Variants in PLOD1 observed in about 807,000 individuals in gnomAD.
The protein encoded by PLOD1 is procollagen-lysine,2-oxoglutarate 5-dioxygenase 1.
In PLOD1, 70 loss-of-function variants were observed where a neutral mutation model predicts 94.7. The ratio of observed to expected loss-of-function variants is 0.74; its 90% CI spans 0.61 to 0.90. PLOD1 has a LOEUF of 0.90. PLOD1 is among the 40% of genes least tolerant of loss of function. The probability of loss-of-function intolerance (pLI) is 0.00; values close to 1 mark genes in which losing one functional copy is unlikely to be tolerated. For synonymous variants in PLOD1, 417 were observed against 400.2 expected (o/e 1.04, Z -0.50); for missense variants, 905 against 972.7 (o/e 0.93, Z 0.93).
chr1:11,944,442 C>CACACACACAA (rs1645635812), intron 1 of PLOD1: 1 of 906,458 alleles, frequency 1.1e-6, no homozygotes, highest in Admixed American at 2.3e-5. Flanking sequence ...CACACACACA[C>CACACACACAA]ACACACACAC....
At chr1:11,952,075 A>T (rs551271752) in intron 4 of PLOD1, among the ~76,000 whole-genome samples, 1 of 152,348 alleles carries the variant, frequency 6.6e-6, no homozygotes, top group African/African-American at 2.4e-5. Context: ...CAGAGTAAGC[A>T]CAGTCCAGAT....
chr1:11,967,955 ATTTTT>A (rs550083636), intron 16 of PLOD1, among the ~76,000 whole-genome samples: 2 of 138,990 alleles, frequency 1.4e-5, no homozygotes, highest in Non-Finnish European at 3.1e-5. Context: ...GTGTGTGTAA[ATTTTT>A]TTTTTTTTTT....
chr1:11,975,507 G>A lies in PLOD1; in HGVS notation c.*699G>A, dbSNP rs903476782. ...AGAGAGGGACAGACCGTCAGAAACT[G>A]GAGAGTTTCTATTAAAGGTCATTTA... is the stretch of plus-strand genomic sequence containing the variant. On this transcript the variant is annotated 3_prime_UTR_variant, in exon 19 of 19. Transcript: ENST00000196061. 6.5e-6 allele frequency: 1 copy of A among 154,498 alleles called. No individual in the cohort carries two copies. Among genetic ancestry groups the A allele is most frequent in the African/African-American group, 2.4e-5 (1 of 41,324 alleles). 9.6% of individuals were successfully genotyped at this position (154,498 alleles called of 1,614,324 possible).
At chr1:11,943,253 G>A (rs1569671603) in intron 1 of PLOD1, among the ~76,000 whole-genome samples, 1 of 151,368 alleles carries the variant, frequency 6.6e-6, no homozygotes, top group Non-Finnish European at 1.5e-5. Context: ...CTCCCAAAGT[G>A]CTAGGATTAT....
intron 5 of PLOD1, chr1:11,954,310 C>CAAAAAAAAAAAAAA (rs754503001): frequency 6.9e-6 from 1 of 145,086 alleles, no homozygotes; most frequent in African/African-American, 5.5e-5. Flanking sequence ...CCATCTCTAG[C>CAAAAAAAAAAAAAA]AAAAAAAAAA....
At chr1:11,952,805 CCT>C in intron 5 of PLOD1, 70 bp downstream of exon 5, 1 of 1,081,922 alleles carries the variant, frequency 9.2e-7, no homozygotes, top group Non-Finnish European at 1.4e-6. Flanking sequence ...GGGAACAGCT[CCT>C]CTCAGGCCTG....
At chr1:11,941,541 C>T (rs186029903) in intron 1 of PLOD1, among the ~76,000 whole-genome samples, 1 of 152,058 alleles carries the variant, frequency 6.6e-6, no homozygotes, top group African/African-American at 2.4e-5. Context: ...AGTGCAATGG[C>T]ACAATCTGGG....
chr1:11,944,771 C>T, intron 1 of PLOD1: 1 of 835,340 alleles, frequency 1.2e-6, no homozygotes, highest in Non-Finnish European at 1.6e-6. Flanking sequence ...CGCCAGCCCT[C>T]TGCCCTGGGG....
chr1:11,967,863 C>T (rs1645832926), intron 16 of PLOD1, among the ~76,000 whole-genome samples: 1 of 151,034 alleles, frequency 6.6e-6, no homozygotes, highest in African/African-American at 2.4e-5. Flanking sequence ...GATTCTCATG[C>T]CTCAGCTTGC....
chr1:11,972,625 T>C lies in PLOD1; in HGVS notation c.1903-247T>C. On this transcript the variant is annotated intron_variant, in intron 17 of 18. Transcript: ENST00000196061. This position sits in a 1 kb window ranked among gnomAD's most constrained non-coding sequence, Gnocchi z 4.6. ...TTCCTCCCTTCCTCCCTCCCTCCCT[T>C]CCTTTCTTCCTTCCCCTCTGTTCTC... 1 of 436,328 alleles carries C rather than the reference T, an allele frequency of 2.3e-6. No individual in the cohort carries two copies. Among genetic ancestry groups the C allele is most frequent in the Non-Finnish European group, 4.3e-6 (1 of 234,094 alleles). The allele number at this position is 436,328 out of a possible 1,614,324, so 27.0% of individuals were successfully genotyped here.
At chr1:11,965,331 C>A in intron 13 of PLOD1, 149 bp from the exon 14 acceptor site, 1 of 653,506 alleles carries the variant, frequency 1.5e-6, no homozygotes, top group Non-Finnish European at 2.8e-6. Context: ...GGGGACATAG[C>A]GGTGACTGCA....
At chr1:11,961,611 A>T (rs1488852914) in intron 10 of PLOD1, among the ~76,000 whole-genome samples, 1 of 151,094 alleles carries the variant, frequency 6.6e-6, no homozygotes, top group African/African-American at 2.4e-5. Flanking sequence ...CATGTCATTT[A>T]TTTTTTTTTC....
chr1:11,943,621 AGT>A (rs1234317571), intron 1 of PLOD1, among the ~76,000 whole-genome samples: 1 of 152,080 alleles, frequency 6.6e-6, no homozygotes, highest in Non-Finnish European at 1.5e-5. Context: ...TTAAGGTCCC[AGT>A]GTGGGCTCTC....
chr1:11,958,500 G>A lies in PLOD1; in HGVS notation c.844-16G>A, dbSNP rs565657931. The stretch of plus-strand genomic sequence containing the variant: ...CTGGACACTGCTGGACTCTTGTGCC[G>A]CCCTCCCTGGTGCAGGATGAAGCTC... On this transcript the variant is annotated splice_polypyrimidine_tract_variant and intron_variant, in intron 8 of 18. Transcript: ENST00000196061. This position sits in a 1 kb window ranked among gnomAD's most constrained non-coding sequence, Gnocchi z 4.3. The A allele has an allele frequency of 1.2e-5, 20 of 1,612,750 alleles. No homozygotes were observed. The highest frequency in any genetic ancestry group is 7.7e-5 in the South Asian group (7 of 90,870).
chr1:11,966,697 C>T (rs1397321426), intron 15 of PLOD1, among the ~76,000 whole-genome samples: 1 of 152,114 alleles, frequency 6.6e-6, no homozygotes. Flanking sequence ...GGCTGCTTCT[C>T]TCCACTCACT....
At chr1:11,944,699 A>G in intron 1 of PLOD1, 1 of 1,266,524 alleles carries the variant, frequency 7.9e-7, no homozygotes, top group Middle Eastern at 2.5e-4. Flanking sequence ...TGCCTGGTGT[A>G]TCCACCCCCT....
At chr1:11,956,808 G>T (rs541418447) in intron 6 of PLOD1, 109 bp from the exon 7 acceptor site, 1 of 776,420 alleles carries the variant, frequency 1.3e-6, no homozygotes. Context: ...TGACTTGCCC[G>T]AGGACATAAT....
chr1:11,958,784 C>A lies in PLOD1; in HGVS notation c.975+137C>A. ...AATGACAATCACCAGTGGACTGTGTCCCCAAATCACTGAGTTAACTTTGGA... is the reference window on the plus strand; with the variant it reads ...AATGACAATCACCAGTGGACTGTGTACCCAAATCACTGAGTTAACTTTGGA... On this transcript the variant is annotated intron_variant, in intron 9 of 18. Coordinates refer to ENST00000196061, the MANE Select transcript of PLOD1 (RefSeq NM_000302.4). The surrounding 1 kb of genome is among the most constrained non-coding windows in gnomAD (Gnocchi z 4.3). 1.0e-6 allele frequency: 1 copy of A among 989,152 alleles called. No individual in the cohort carries two copies. The highest frequency in any genetic ancestry group is 1.5e-6 in the Non-Finnish European group (1 of 645,330). The allele number at this position is 989,152 out of a possible 1,614,324, so 61.3% of individuals were successfully genotyped here.
Position 11,972,642 on chromosome 1 carries a change from T to A in PLOD1, c.1903-230T>A. ...CCCTCCCTTCCTTTCTTCCTTCCCC[T>A]CTGTTCTCTTCCTTCCCTCCCTCTC... is the stretch of plus-strand genomic sequence containing the variant. On this transcript the variant is annotated intron_variant, in intron 17 of 18. Transcript: ENST00000196061. The surrounding 1 kb of genome is among the most constrained non-coding windows in gnomAD (Gnocchi z 4.6). 10 of 393,362 alleles carry A rather than the reference T, an allele frequency of 2.5e-5. No homozygotes were observed. Among genetic ancestry groups the A allele is most frequent in the East Asian group, 1.0e-4 (2 of 19,082 alleles). The allele number at this position is 393,362 out of a possible 1,614,324, so 24.4% of individuals were successfully genotyped here.
Sources: allele counts gnomAD v4.1 joint callset (sites outside exome capture counted in the v4.1 genomes callset), GRCh38; gene constraint gnomAD v4.1.1; non-coding constraint Gnocchi (gnomAD v3.1); transcripts MANE v1.5; gene names NCBI Gene and HGNC (gene_info 2026-07-23, HGNC 2026-07-21).